SMURF1: variants seen among roughly 807,000 people sequenced by gnomAD.
SMURF1 encodes SMAD specific E3 ubiquitin protein ligase 1.
SMURF1 carries 44 observed loss-of-function variants against 98.0 expected under a neutral mutation model. The observed-to-expected ratio is 0.45, with a 90% CI of 0.35 to 0.58. The LOEUF (loss-of-function observed/expected upper bound fraction) is 0.58. Ranked by LOEUF, SMURF1 falls within the 20% of genes least tolerant of loss-of-function variation. SMURF1 has a pLI of 0.00. For missense variants in SMURF1, 687 were observed against 938.4 expected (o/e 0.73, Z 3.50); for synonymous variants, 396 against 374.9 (o/e 1.06, Z -0.65).
At position 99,144,028 on chromosome 7, in the gene SMURF1, TCCGCCG is replaced by T. The variant is rs1354137623; in HGVS notation, c.-254_-249del. The T allele has an allele frequency of 1.3e-5, 2 of 153,056 alleles. No individual in the cohort carries two copies. Among genetic ancestry groups the T allele is most frequent in the Non-Finnish European group, 2.5e-5 (2 of 79,760 alleles). The allele number at this position is 153,056 out of a possible 1,614,324, so 9.5% of individuals were successfully genotyped here. On this transcript the variant is annotated 5_prime_UTR_variant, in exon 1 of 18. Coordinates refer to ENST00000361368, the MANE Select transcript of SMURF1 (RefSeq NM_181349.3). ...AGCCCAGTCCCGAGCCGCCGCCGCCTCCGCCGCCGCCTCCGCCGCCTCCACCACCTC... is the reference window on the plus strand; with the variant it reads ...AGCCCAGTCCCGAGCCGCCGCCGCCTCCGCCTCCGCCGCCTCCACCACCTC...
At chr7:99,044,023 G>A (rs950728810) in intron 11 of SMURF1, among the ~76,000 whole-genome samples, 1 of 152,186 alleles carries the variant, frequency 6.6e-6, no homozygotes, top group African/African-American at 2.4e-5. Flanking sequence ...CCATCCTGGA[G>A]GACTTGAAGT....
At chr7:99,064,944 T>C (rs1796151068) in intron 1 of SMURF1, among the ~76,000 whole-genome samples, 1 of 152,228 alleles carries the variant, frequency 6.6e-6, no homozygotes, top group Non-Finnish European at 1.5e-5. Flanking sequence ...GTGCTTATTT[T>C]TCCCATTAAC....
chr7:99,074,430 A>T (rs1464800192), intron 1 of SMURF1, among the ~76,000 whole-genome samples: 1 of 152,224 alleles, frequency 6.6e-6, no homozygotes, highest in Non-Finnish European at 1.5e-5. Flanking sequence ...GATGGGGGAA[A>T]AAAGATAGCC....
intron 1 of SMURF1, among the ~76,000 whole-genome samples, chr7:99,102,654 T>C (rs763469328): frequency 1.3e-5 from 2 of 152,228 alleles, no homozygotes; most frequent in East Asian, 1.9e-4. Flanking sequence ...TTAAATTATG[T>C]ATATACAAGA....
chr7:99,077,696 G>C (rs922047382), intron 1 of SMURF1, among the ~76,000 whole-genome samples: 1 of 152,058 alleles, frequency 6.6e-6, no homozygotes, highest in Non-Finnish European at 1.5e-5. Flanking sequence ...TCTTTGTTCA[G>C]ATTATTAATA....
At position 99,054,776 on chromosome 7, in the gene SMURF1, G is replaced by A. The variant is rs753302437; in HGVS notation, c.479+14C>T. 1 of 1,613,480 alleles carries A rather than the reference G, an allele frequency of 6.2e-7. No homozygotes were observed. The highest frequency in any genetic ancestry group is 2.2e-5 in the East Asian group (1 of 44,874). On this transcript the variant is annotated intron_variant, in intron 6 of 17. Transcript: ENST00000361368. ...CAGAGAACTCAGCCCGCCTCTTGCT[G>A]TGGTTATACGTACCCTTCATTTTCT... is the stretch of plus-strand genomic sequence containing the variant.
chr7:99,053,365 C>T (rs1210671748), intron 6 of SMURF1, among the ~76,000 whole-genome samples: 1 of 152,096 alleles, frequency 6.6e-6, no homozygotes, highest in East Asian at 1.9e-4. Flanking sequence ...CAATCCCTCC[C>T]CACCAACCCC....
At chr7:99,063,462 T>C (rs1254030610) in intron 1 of SMURF1, among the ~76,000 whole-genome samples, 2 of 149,386 alleles carry the variant, frequency 1.3e-5, no homozygotes, top group African/African-American at 4.9e-5. Flanking sequence ...CCAACTAACT[T>C]CTTTTTTTAA....
intron 11 of SMURF1, among the ~76,000 whole-genome samples, chr7:99,045,031 T>C (rs1795526356): frequency 6.6e-6 from 1 of 151,936 alleles, no homozygotes; most frequent in African/African-American, 2.4e-5. Flanking sequence ...TCCAGCTACT[T>C]GGGAGGCTGA....
chr7:99,074,402 A>T (rs930160672), intron 1 of SMURF1, among the ~76,000 whole-genome samples: 3 of 152,152 alleles, frequency 2.0e-5, no homozygotes, highest in Non-Finnish European at 4.4e-5. Flanking sequence ...TTCTTCAAAG[A>T]TGCCAAGACA....
intron 1 of SMURF1, among the ~76,000 whole-genome samples, chr7:99,141,196 A>C (rs1415470813): frequency 6.6e-6 from 1 of 152,246 alleles, no homozygotes; most frequent in Non-Finnish European, 1.5e-5. Context: ...TTGCTTCGAT[A>C]ATCTAAATTC....
intron 13 of SMURF1, 79 bp downstream of exon 13, chr7:99,040,299 G>GCGCGCGCA (rs1795326732): frequency 6.2e-6 from 8 of 1,290,880 alleles, no homozygotes; most frequent in South Asian, 2.2e-5. Flanking sequence ...ACACACGCGC[G>GCGCGCGCA]CGCGCGCGCA....
intron 13 of SMURF1, among the ~76,000 whole-genome samples, chr7:99,039,772 C>T (rs1193119327): frequency 2.0e-5 from 3 of 152,214 alleles, no homozygotes; most frequent in Non-Finnish European, 4.4e-5. Flanking sequence ...CCCACATTCC[C>T]TCCATCTGTC....
chr7:99,090,070 T>A lies in SMURF1; in HGVS notation c.56-28233A>T, dbSNP rs1020936889. Among the ~76,000 whole-genome samples the A allele has an allele frequency of 5.9e-5, 9 of 152,148 alleles. No individual in the cohort carries two copies. The East Asian group carries it at 1.7e-3, about 29-fold the overall frequency. On this transcript the variant is annotated intron_variant, in intron 1 of 17. Coordinates refer to ENST00000361368, the MANE Select transcript of SMURF1 (RefSeq NM_181349.3). Reference sequence around the variant, plus strand: ...ACTGGCAAATATATCTCCATGGCCATGAATGAGTAAAAGTCAGTTTGGAAA... The same window carrying A: ...ACTGGCAAATATATCTCCATGGCCAAGAATGAGTAAAAGTCAGTTTGGAAA...
chr7:99,088,695 T>C (rs6975658), intron 1 of SMURF1, among the ~76,000 whole-genome samples: 1,712 of 152,218 alleles, frequency 0.011, 37 homozygotes, highest in African/African-American at 0.037. Flanking sequence ...GAAGGTAGTT[T>C]GTTTGTTTTT....
At chr7:99,033,883 CAG>C (rs1222172371) in intron 16 of SMURF1, among the ~76,000 whole-genome samples, 4 of 152,220 alleles carry the variant, frequency 2.6e-5, no homozygotes, top group African/African-American at 7.2e-5. Flanking sequence ...GGCTAGCTGA[CAG>C]GGGTGCCAGG....
At chr7:99,122,818 T>A (rs1031937468) in intron 1 of SMURF1, among the ~76,000 whole-genome samples, 3 of 149,380 alleles carry the variant, frequency 2.0e-5, no homozygotes, top group African/African-American at 7.4e-5. Context: ...GGACAACCAC[T>A]GGTGTTGCAC....
At chr7:99,055,270 C>G (rs1048258928) in intron 5 of SMURF1, among the ~76,000 whole-genome samples, 1 of 150,732 alleles carries the variant, frequency 6.6e-6, no homozygotes, top group Admixed American at 6.6e-5. Flanking sequence ...GAGTTTGAGA[C>G]CAGCCTGGGC....
intron 1 of SMURF1, among the ~76,000 whole-genome samples, chr7:99,083,121 A>G (rs1053312774): frequency 6.6e-6 from 1 of 152,168 alleles, no homozygotes; most frequent in South Asian, 2.1e-4. Flanking sequence ...GAGTAAAGAA[A>G]ATGTTCTATA....
Sources: gnomAD v4.1 joint callset for allele counts (sites outside exome capture counted in the v4.1 genomes callset) on GRCh38, gnomAD v4.1.1 for gene constraint, MANE v1.5 for transcripts, NCBI Gene and HGNC (gene_info 2026-07-23, HGNC 2026-07-21) for gene names.